ARHGAP32: variants seen among roughly 807,000 people sequenced by gnomAD.
The protein encoded by ARHGAP32 is Rho GTPase activating protein 32, also known as rho GTPase-activating protein 32.
Under a neutral mutation model 186.5 loss-of-function variants are expected in ARHGAP32, and 51 were observed. That is an observed-to-expected ratio of 0.27 (90% confidence interval 0.22 to 0.35). The LOEUF is 0.35. ARHGAP32 is among the 10% of genes least tolerant of loss of function. The pLI is 1.00. For missense variants in ARHGAP32, 2,186 were observed against 2,623.5 expected (o/e 0.83, Z 3.64); for synonymous variants, 950 against 964.3 (o/e 0.99, Z 0.27).
intron 3 of ARHGAP32, 76 bp downstream of exon 3, chr11:129,124,727 A>G (rs1942619027): frequency 8.6e-7 from 1 of 1,165,822 alleles, no homozygotes; most frequent in Non-Finnish European, 1.2e-6. Context: ...AGTCTAAATA[A>G]AAGTTTTAAG....
At chr11:129,246,031 A>C (rs1945092720) in intron 1 of ARHGAP32, among the ~76,000 whole-genome samples, 1 of 152,278 alleles carries the variant, frequency 6.6e-6, no homozygotes, top group African/African-American at 2.4e-5. Context: ...TCAATAGATT[A>C]GCTATTCATT....
intron 1 of ARHGAP32, among the ~76,000 whole-genome samples, chr11:129,224,451 GA>G (rs1347219703): frequency 3.3e-5 from 5 of 152,088 alleles, no homozygotes; most frequent in African/African-American, 1.2e-4. Context: ...CAAAATTCTG[GA>G]AATTAACTAA....
chr11:129,176,879 G>T (rs1400578289), intron 1 of ARHGAP32, among the ~76,000 whole-genome samples: 1 of 151,994 alleles, frequency 6.6e-6, no homozygotes, highest in Non-Finnish European at 1.5e-5. Context: ...TAAAAGAACT[G>T]GAAAAGCAAG....
intron 1 of ARHGAP32, among the ~76,000 whole-genome samples, chr11:129,260,721 C>T (rs1487731760): frequency 2.0e-5 from 3 of 152,098 alleles, no homozygotes; most frequent in African/African-American, 7.2e-5. Flanking sequence ...CTTTCTTGCG[C>T]TAAAGGCAAC....
intron 1 of ARHGAP32, among the ~76,000 whole-genome samples, chr11:129,173,946 G>A (rs1468163792): frequency 6.6e-6 from 1 of 152,196 alleles, no homozygotes; most frequent in Non-Finnish European, 1.5e-5. Flanking sequence ...AGCCAAGATG[G>A]CCAAATAGGA....
intron 1 of ARHGAP32, among the ~76,000 whole-genome samples, chr11:129,223,441 A>G (rs1431014560): frequency 6.6e-6 from 1 of 152,172 alleles, no homozygotes; most frequent in Non-Finnish European, 1.5e-5. Flanking sequence ...CACAGGACGG[A>G]TATAATAGGC....
At chr11:129,042,651 G>A (rs1037917275) in intron 10 of ARHGAP32, among the ~76,000 whole-genome samples, 3 of 152,148 alleles carry the variant, frequency 2.0e-5, no homozygotes, top group Admixed American at 1.3e-4. Context: ...TTTGGAAAGC[G>A]ATTATAAAAG....
chr11:129,124,684 G>A (rs748849391), intron 3 of ARHGAP32, 119 bp downstream of exon 3: 3 of 644,660 alleles, frequency 4.7e-6, no homozygotes, highest in Non-Finnish European at 7.7e-6. Context: ...TTAAGGATTA[G>A]CAGTTGCACA....
At chr11:129,263,300 C>T (rs892218893) in intron 1 of ARHGAP32, among the ~76,000 whole-genome samples, 2 of 152,072 alleles carry the variant, frequency 1.3e-5, no homozygotes, top group Non-Finnish European at 2.9e-5. Flanking sequence ...AGGCAATCCA[C>T]AGAATGGGAG....
chr11:129,232,947 A>T (rs1190380002), intron 1 of ARHGAP32, among the ~76,000 whole-genome samples: 1 of 152,176 alleles, frequency 6.6e-6, no homozygotes, highest in East Asian at 1.9e-4. Context: ...TTCCAGTTGC[A>T]GATGGAATTG....
intron 1 of ARHGAP32, among the ~76,000 whole-genome samples, chr11:129,210,845 A>G (rs1419316860): frequency 1.3e-5 from 2 of 152,192 alleles, no homozygotes; most frequent in Admixed American, 6.5e-5. Flanking sequence ...GATTATATAT[A>G]ACTATTTTTC....
intron 2 of ARHGAP32, among the ~76,000 whole-genome samples, chr11:129,137,559 CA>C (rs1481088228): frequency 1.3e-5 from 2 of 151,762 alleles, no homozygotes; most frequent in Non-Finnish European, 2.9e-5. Flanking sequence ...TGAAAGGAAA[CA>C]AACTGTTTGG....
At chr11:129,020,689 A>G (rs1426087477) in intron 11 of ARHGAP32, among the ~76,000 whole-genome samples, 4 of 152,106 alleles carry the variant, frequency 2.6e-5, no homozygotes, top group Non-Finnish European at 5.9e-5. Flanking sequence ...CAAAATTCTC[A>G]GTGTCTCTCT....
chr11:129,216,818 G>C (rs1289027894), intron 1 of ARHGAP32, among the ~76,000 whole-genome samples: 1 of 151,672 alleles, frequency 6.6e-6, no homozygotes, highest in Non-Finnish European at 1.5e-5. Context: ...CAGTGATAGT[G>C]ATTTGTTTTT....
At chr11:129,038,076 G>C (rs528697708) in intron 11 of ARHGAP32, among the ~76,000 whole-genome samples, 1 of 151,900 alleles carries the variant, frequency 6.6e-6, no homozygotes, top group Non-Finnish European at 1.5e-5. Context: ...ACTCCAACCT[G>C]GGTGACAGAG....
intron 5 of ARHGAP32, among the ~76,000 whole-genome samples, chr11:129,094,445 A>T (rs1308942850): frequency 3.3e-5 from 5 of 152,234 alleles, no homozygotes; most frequent in Non-Finnish European, 7.3e-5. Flanking sequence ...TATTTAAACC[A>T]GCTACCGACA....
At chr11:129,156,691 G>C (rs1023685559) in intron 2 of ARHGAP32, among the ~76,000 whole-genome samples, 6 of 152,186 alleles carry the variant, frequency 3.9e-5, no homozygotes, top group African/African-American at 9.7e-5. Flanking sequence ...ACTCTGAAGA[G>C]AGCAATGGAT....
intron 1 of ARHGAP32, among the ~76,000 whole-genome samples, chr11:129,248,450 T>C (rs7939799): frequency 0.3 from 45,918 of 152,020 alleles, 7,273 homozygotes; most frequent in Middle Eastern, 0.4. Flanking sequence ...AAAATCTAAG[T>C]GAAAATCATT....
intron 6 of ARHGAP32, among the ~76,000 whole-genome samples, chr11:129,071,271 G>A (rs977700635): frequency 7.9e-5 from 12 of 151,710 alleles, no homozygotes; most frequent in Admixed American, 2.0e-4. Context: ...TGATTATCAG[G>A]GCAAAGAAAA....
Sources: gnomAD v4.1 joint callset for allele counts (sites outside exome capture counted in the v4.1 genomes callset) on GRCh38, gnomAD v4.1.1 for gene constraint, MANE v1.5 for transcripts, NCBI Gene and HGNC (gene_info 2026-07-23, HGNC 2026-07-21) for gene names.